The following TRRAP variants were observed in gnomAD, a reference collection of about 807,000 sequenced individuals.
The protein encoded by TRRAP is transformation/transcription domain associated protein, also known as transformation/transcription domain-associated protein.
TRRAP carries 41 observed loss-of-function variants against 438.8 expected under a neutral mutation model. The ratio of observed to expected loss-of-function variants is 0.09; its 90% confidence interval spans 0.07 to 0.12. TRRAP has a LOEUF of 0.12. TRRAP is among the 10% of genes least tolerant of loss of function. The pLI is 1.00. For synonymous variants in TRRAP, 1,994 were observed against 1,962.9 expected (o/e 1.02, Z -0.42); for missense variants, 3,122 against 5,055.1 (o/e 0.62, Z 11.60).
At position 98,926,320 on chromosome 7, in the gene TRRAP, C is replaced by A. The variant is rs544335719; in HGVS notation, c.2976-847C>A. Among the ~76,000 whole-genome samples the A allele has an allele frequency of 6.3e-4, 95 of 151,768 alleles. 1 individual carries two copies. The South Asian group carries it at 0.019, about 31-fold the overall frequency. ...AAAGCAGGATAAATAAAAAGAAATC[C>A]ACAGAGACAAACTATAGTGAAACAA... On this transcript the variant is annotated intron_variant, in intron 22 of 72. Coordinates refer to ENST00000456197, the MANE Select transcript of TRRAP (RefSeq NM_001375524.1).
intron 58 of TRRAP, among the ~76,000 whole-genome samples, chr7:98,981,482 T>A (rs1409219199): frequency 6.6e-6 from 1 of 152,214 alleles, no homozygotes; most frequent in African/African-American, 2.4e-5. Flanking sequence ...ACAGCATTGA[T>A]CAGTTTCTTT....
intron 1 of TRRAP, 94 bp downstream of exon 1, chr7:98,878,731 G>A (rs1554402527): frequency 6.6e-6 from 1 of 151,806 alleles, no homozygotes; most frequent in Non-Finnish European, 1.5e-5. Flanking sequence ...TCCGCGGAGG[G>A]ATGGAGCTGG....
chr7:98,949,865 C>A, intron 37 of TRRAP, 24 bp downstream of exon 37: 1 of 1,604,782 alleles, frequency 6.2e-7, no homozygotes, highest in Non-Finnish European at 8.5e-7. Context: ...CCCGCCCTGC[C>A]CCGCGGGACT....
chr7:98,922,504 C>T (rs1789845182), intron 21 of TRRAP, among the ~76,000 whole-genome samples: 1 of 152,174 alleles, frequency 6.6e-6, no homozygotes, highest in Non-Finnish European at 1.5e-5. Context: ...CGTCTCTCCT[C>T]CCTGCCCTGC....
chr7:98,999,370 C>T (rs548791163), intron 67 of TRRAP: 2 of 1,391,302 alleles, frequency 1.4e-6, no homozygotes, highest in African/African-American at 1.4e-5. Context: ...ACATCCTGCA[C>T]AGCTCTCTCA....
At chr7:98,983,562 T>C (rs1456191831) in intron 60 of TRRAP, 103 bp downstream of exon 60, 5 of 1,374,162 alleles carry the variant, frequency 3.6e-6, no homozygotes, top group East Asian at 4.9e-5. Flanking sequence ...TTGGTTTTTT[T>C]TTCCCCCAGG....
chr7:98,914,858 ATTC>A (rs1789451270), intron 18 of TRRAP, among the ~76,000 whole-genome samples: 1 of 151,718 alleles, frequency 6.6e-6, no homozygotes, highest in African/African-American at 2.4e-5. Context: ...AAATAAATAT[ATTC>A]TGCCATATAC....
chr7:98,965,356 G>C (rs866721144), intron 48 of TRRAP, among the ~76,000 whole-genome samples: 2 of 152,326 alleles, frequency 1.3e-5, no homozygotes, highest in Middle Eastern at 3.4e-3. Flanking sequence ...GATGCTGTGT[G>C]GGGGTGTGGG....
chr7:98,902,165 TTGTG>T (rs1237617002), intron 11 of TRRAP, among the ~76,000 whole-genome samples: 1 of 152,186 alleles, frequency 6.6e-6, no homozygotes, highest in Non-Finnish European at 1.5e-5. Flanking sequence ...CTGTTAGAAG[TTGTG>T]TGTTGTGGCA....
Position 98,949,881 on chromosome 7 carries a change from T to C in TRRAP, c.5135+40T>C, listed in dbSNP as rs782171435. 1.7e-5 allele frequency: 27 copies of C among 1,594,276 alleles called. No homozygotes were observed. In the Middle Eastern group the frequency reaches 7.3e-4, roughly 43 times the overall value. ...CCGCCCTGCCCCGCGGGACTGGCTC[T>C]GTCCCAAAAGCTCAGCCAGAGCCTC... On this transcript the variant is annotated intron_variant, in intron 37 of 72. Coordinates refer to ENST00000456197, the MANE Select transcript of TRRAP (RefSeq NM_001375524.1).
At chr7:98,995,038 C>A (rs1419099518) in intron 67 of TRRAP, among the ~76,000 whole-genome samples, 190 bp downstream of exon 67, 2 of 152,202 alleles carry the variant, frequency 1.3e-5, no homozygotes, top group Non-Finnish European at 1.5e-5. Context: ...AGGGAGGGGT[C>A]AAGGTTTGGA....
chr7:98,998,544 T>C (rs1793775675), intron 67 of TRRAP: 1 of 192,534 alleles, frequency 5.2e-6, no homozygotes, highest in African/African-American at 2.4e-5. Context: ...TAGTCTTCAA[T>C]CTCATCTTCC....
chr7:98,892,438 C>T lies in TRRAP; in HGVS notation c.276C>T (p.Leu92=), dbSNP rs1305748078. The part of the protein sequence containing the change: ...QEKPAQQLRK[L]VLEIIHRIPT... ...TTTCTTGCCAGCAACTGCGGAAGCT[C>T]GTACTTGAAATAATTCATAGAATAC... The change falls in exon 5 of 73, where the codon CTC becomes CTT. Residue 92 remains leucine (L), a synonymous_variant. Transcript: ENST00000456197. 1.2e-5 allele frequency: 20 copies of T among 1,611,290 alleles called. No homozygotes were observed. The highest frequency in any genetic ancestry group is 3.3e-4 in the Middle Eastern group (2 of 6,070).
intron 28 of TRRAP, among the ~76,000 whole-genome samples, chr7:98,936,302 A>G (rs1202705811): frequency 6.6e-6 from 1 of 152,192 alleles, no homozygotes; most frequent in Non-Finnish European, 1.5e-5. Flanking sequence ...GAGGCAGACC[A>G]TAATACCTGA....
chr7:98,955,444 T>A lies in TRRAP; in HGVS notation c.5937+140T>A, dbSNP rs547749811. On this transcript the variant is annotated intron_variant, in intron 41 of 72. Coordinates refer to ENST00000456197, the MANE Select transcript of TRRAP (RefSeq NM_001375524.1). ...CTTCTGGTTCATTGATTAGTTTGTG[T>A]ATGTGTGTATGGCTTTATCAGCATG... 50 of 858,800 alleles carry A rather than the reference T, an allele frequency of 5.8e-5. No individual in the cohort carries two copies. In the African/African-American group the frequency reaches 7.5e-4, roughly 13 times the overall value. The allele number at this position is 858,800 out of a possible 1,614,324, so 53.2% of individuals were successfully genotyped here.
intron 67 of TRRAP, chr7:98,999,880 G>T (rs562709330): frequency 5.0e-6 from 2 of 396,242 alleles, no homozygotes; most frequent in Non-Finnish European, 9.1e-6. Flanking sequence ...TTAAATACTC[G>T]CCAGGGCCAG....
intron 63 of TRRAP, among the ~76,000 whole-genome samples, chr7:98,989,486 C>T (rs1342378381): frequency 6.6e-6 from 1 of 152,246 alleles, no homozygotes; most frequent in Non-Finnish European, 1.5e-5. Context: ...TGTCTTCCCC[C>T]AAGAAGCAGA....
rs34059724 is a variant in TRRAP at position 98,907,323 on chromosome 7, C to CA, written c.1115+1080dup. 3.3e-3 allele frequency among the ~76,000 whole-genome samples: 458 copies of CA among 137,838 alleles called. 6 individuals carry two copies. The highest frequency in any genetic ancestry group is 0.01 in the African/African-American group (395 of 37,672). The allele number at this position is 137,838 out of a possible 152,430, so 90.4% of individuals were successfully genotyped here. On this transcript the variant is annotated intron_variant, in intron 13 of 72. Transcript: ENST00000456197. ...GGGCAATAAGAGTGAAACTCTGTCT[C>CA]AAAAAAAAAAAAGTAGTGATAATGG...
At chr7:99,008,246 G>C in intron 69 of TRRAP, 131 bp from the exon 70 acceptor site, 2 of 903,260 alleles carry the variant, frequency 2.2e-6, no homozygotes, top group Non-Finnish European at 1.7e-6. Context: ...TGACCACCGG[G>C]TTCTTCCAGC....
Sources: allele counts gnomAD v4.1 joint callset (sites outside exome capture counted in the v4.1 genomes callset), GRCh38; gene constraint gnomAD v4.1.1; transcripts MANE v1.5; gene names NCBI Gene and HGNC (gene_info 2026-07-23, HGNC 2026-07-21).